The following IGDCC4 variants were observed in gnomAD, a reference collection of about 807,000 sequenced individuals.
IGDCC4 encodes the protein likely ortholog of mouse neighbor of Punc E11.
A neutral mutation model predicts 116.6 loss-of-function variants in IGDCC4; 72 were observed. The ratio of observed to expected loss-of-function variants is 0.62; its 90% CI spans 0.51 to 0.75. The LOEUF is 0.75. IGDCC4 is among the 30% of genes least tolerant of loss of function. The pLI, the probability that IGDCC4 is intolerant of heterozygous loss-of-function variation, is 0.00. For missense variants in IGDCC4, 1,501 were observed against 1,662.4 expected, an observed-to-expected ratio of 0.90 and a Z score of 1.69; for synonymous variants, 709 against 719.9, an observed-to-expected ratio of 0.98 and a Z score of 0.24.
At chr15:65,414,576 C>T (rs1446658257) in intron 1 of IGDCC4, among the ~76,000 whole-genome samples, 1 of 152,228 alleles carries the variant, frequency 6.6e-6, no homozygotes, top group Non-Finnish European at 1.5e-5. Context: ...AGGAATTAAA[C>T]AAGACAATGT....
At chr15:65,396,762 C>G in intron 6 of IGDCC4, 72 bp downstream of exon 6, 1 of 1,515,444 alleles carries the variant, frequency 6.6e-7, no homozygotes, top group Non-Finnish European at 8.8e-7. Flanking sequence ...CACACCCACC[C>G]GTCCACCTCC....
chr15:65,411,342 A>G lies in IGDCC4; in HGVS notation c.99T>C (p.Thr33=), dbSNP rs140484259. 9.4e-4 allele frequency: 1,493 copies of G among 1,587,056 alleles called. 1 individual carries two copies. The highest frequency in any genetic ancestry group is 1.2e-3 in the Non-Finnish European group (1,399 of 1,163,758). ...GCCCCACTCCACAGCTCAGCTCCACAGTCGTCTCCTGGGGCAACAGCAGCT... is the reference window on the plus strand; with the variant it reads ...GCCCCACTCCACAGCTCAGCTCCACGGTCGTCTCCTGGGGCAACAGCAGCT... ...RGELLLPQET[T]VELSCGVGPL... Residue 33 remains threonine (T), a synonymous_variant, in exon 2 of 20, where the codon ACT becomes ACC. Coordinates refer to ENST00000352385, the MANE Select transcript of IGDCC4 (RefSeq NM_020962.3).
chr15:65,388,554 C>T lies in IGDCC4; in HGVS notation c.2740G>A (p.Glu914Lys). ...TTGAAGAAGTACCGAGTGTCGCTCT[C>T]CAGGCCATGGACCTCAGCACTGAAG... ...NIFSAEVHGL[E>K]SDTRYFFKMG... is the part of the protein sequence containing the mutation. Residue 914 changes from glutamate to lysine, a missense_variant, in exon 16 of 20, where the codon GAG (glutamate) becomes AAG (lysine). Around this residue, in one of 3 missense-constraint regions of IGDCC4, gnomAD observed 235 missense variants for 328.0 expected, o/e 0.72. Transcript: ENST00000352385. The T allele has an allele frequency of 1.9e-6, 3 of 1,614,128 alleles. No homozygotes were observed. Among genetic ancestry groups the T allele is most frequent in the Non-Finnish European group, 2.5e-6 (3 of 1,180,028 alleles).
intron 16 of IGDCC4, 61 bp from the exon 17 acceptor site, chr15:65,386,717 T>C: frequency 7.7e-7 from 1 of 1,304,538 alleles, no homozygotes; most frequent in Non-Finnish European, 1.1e-6. Context: ...AGGGCATAGA[T>C]CAGGACTATC....
At chr15:65,416,744 T>C (rs2063148810) in intron 1 of IGDCC4, among the ~76,000 whole-genome samples, 1 of 152,024 alleles carries the variant, frequency 6.6e-6, no homozygotes. Flanking sequence ...TTCTCCTCAA[T>C]CTCCTCAGTG....
At chr15:65,405,661 C>T (rs936303228) in intron 3 of IGDCC4, among the ~76,000 whole-genome samples, 4 of 152,182 alleles carry the variant, frequency 2.6e-5, no homozygotes, top group Non-Finnish European at 5.9e-5. Flanking sequence ...AACCCATATA[C>T]GTATTTCAAA....
intron 1 of IGDCC4, among the ~76,000 whole-genome samples, chr15:65,420,008 G>T (rs1040297353): frequency 6.6e-6 from 1 of 152,054 alleles, no homozygotes; most frequent in Non-Finnish European, 1.5e-5. Context: ...GTGCAGTGGC[G>T]TGATCTCAGC....
intron 1 of IGDCC4, among the ~76,000 whole-genome samples, chr15:65,418,446 C>T (rs2063162769): frequency 6.6e-6 from 1 of 152,144 alleles, no homozygotes; most frequent in African/African-American, 2.4e-5. Flanking sequence ...TAGAACCATC[C>T]AGGAGTCTTG....
Position 65,394,991 on chromosome 15 carries a change from G to A in IGDCC4, c.1576+103C>T, listed in dbSNP as rs529962933. ...TCTTACGGGGCACAAAAGATGATAT[G>A]AGCAGGTAAAAATGCCTTTACATTA... is the stretch of plus-strand genomic sequence containing the variant. On this transcript the variant is annotated intron_variant, in intron 8 of 19. Transcript: ENST00000352385. The A allele has an allele frequency of 1.0e-5, 13 of 1,246,790 alleles. No individual in the cohort carries two copies. The African/African-American group carries it at 2.0e-4, about 19-fold the overall frequency. 77.2% of individuals were successfully genotyped at this position (1,246,790 alleles called of 1,614,324 possible). A position where few individuals can be genotyped will look rare whatever the true frequency, so the allele number is the denominator to read the frequency against.
At chr15:65,422,666 T>C in intron 1 of IGDCC4, 127 bp downstream of exon 1, 1 of 708,970 alleles carries the variant, frequency 1.4e-6, no homozygotes, top group Non-Finnish European at 1.9e-6. Context: ...CGCGGGCACC[T>C]GGACGCGCAG....
rs529540280 is a variant in IGDCC4, at chr15:65,398,469, G to A, written c.842-1480C>T. Among the ~76,000 whole-genome samples, 14 of 144,764 alleles carry A rather than the reference G, an allele frequency of 9.7e-5. No homozygotes were observed. The East Asian group carries it at 2.8e-3, about 29-fold the overall frequency. 95.0% of individuals were successfully genotyped at this position (144,764 alleles called of 152,430 possible). A position where few individuals can be genotyped will look rare whatever the true frequency, so the allele number is the denominator to read the frequency against. Reference sequence around the variant, plus strand: ...GAATCACTTGAACCCAGGAGGCGAAGGTTGCAGTAAGCCAAGATCACACCA... The same window carrying A: ...GAATCACTTGAACCCAGGAGGCGAAAGTTGCAGTAAGCCAAGATCACACCA... On this transcript the variant is annotated intron_variant, in intron 5 of 19. Transcript: ENST00000352385.
chr15:65,397,237 G>T (rs2062937202), intron 5 of IGDCC4, among the ~76,000 whole-genome samples: 2 of 152,144 alleles, frequency 1.3e-5, no homozygotes, highest in South Asian at 4.1e-4. Flanking sequence ...CACAGTGCAG[G>T]CATATATTAA....
intron 5 of IGDCC4, 68 bp from the exon 6 acceptor site, chr15:65,397,057 C>T (rs1267763099): frequency 1.3e-6 from 2 of 1,518,350 alleles, no homozygotes; most frequent in Admixed American, 2.0e-5. Context: ...GTCTCCGAAC[C>T]TCAGGAACAC....
chr15:65,409,769 G>A (rs149909567), intron 3 of IGDCC4, among the ~76,000 whole-genome samples: 1 of 152,354 alleles, frequency 6.6e-6, no homozygotes, highest in East Asian at 1.9e-4. Context: ...TGGAAACTCC[G>A]GAGGAACCCT....
At position 65,411,170 on chromosome 15, in the gene IGDCC4, C is replaced by G; in HGVS notation, c.271G>C (p.Gly91Arg). Reference protein sequence around the residue: ...EHDHLHLLPNGSLWLSQPLAP... With the variant: ...EHDHLHLLPNRSLWLSQPLAP... ...AGTGGCTGGGACAGCCACAGGGAAC[C>G]ATTGGGCAGCAGGTGTAAGTGGTCG... Residue 91 changes from glycine (G) to arginine (R), a missense_variant, in exon 2 of 20, where the codon GGT becomes CGT. Gly to Arg is a moderately radical substitution (Grantham distance 125). This residue lies in a region of IGDCC4 where 898 missense variants were observed against 978.9 expected (regional missense o/e 0.92). Coordinates refer to ENST00000352385, the MANE Select transcript of IGDCC4 (RefSeq NM_020962.3). 6.2e-7 allele frequency: 1 copy of G among 1,614,224 alleles called. No individual in the cohort carries two copies. Among genetic ancestry groups the G allele is most frequent in the Non-Finnish European group, 8.5e-7 (1 of 1,180,038 alleles).
At chr15:65,398,426 C>A (rs996715749) in intron 5 of IGDCC4, among the ~76,000 whole-genome samples, 1 of 149,120 alleles carries the variant, frequency 6.7e-6, no homozygotes, top group Middle Eastern at 3.5e-3. Context: ...CCCAGCTACT[C>A]GGGAAGCTGA....
At chr15:65,404,277 G>A (rs1345401864) in intron 3 of IGDCC4, among the ~76,000 whole-genome samples, 4 of 152,170 alleles carry the variant, frequency 2.6e-5, no homozygotes, top group African/African-American at 9.7e-5. Flanking sequence ...TCTGCCCCCA[G>A]CCTCTCACCC....
Position 65,393,528 on chromosome 15 carries a change from T to C in IGDCC4, c.1718A>G (p.Gln573Arg). 1 of 1,594,912 alleles carries C rather than the reference T, an allele frequency of 6.3e-7. No homozygotes were observed. The change falls in exon 10 of 20, where the codon CAG (glutamine) becomes CGG (arginine). Residue 573 changes from glutamine to arginine, a missense_variant. By Grantham distance (43) the Gln-to-Arg change is conservative. Transcript: ENST00000352385. This position sits in a 1 kb window ranked among gnomAD's most constrained non-coding sequence, Gnocchi z 4.6. ...TCCTCGCACCTCAGTAGAGAAAATC[T>C]GATCTGCAGGGACAGAAAAGGTGGG... is the stretch of plus-strand genomic sequence containing the variant. ...KIEYGLGKED[Q>R]IFSTEVRGNE...
At chr15:65,422,003 C>T (rs2063196353) in intron 1 of IGDCC4, among the ~76,000 whole-genome samples, 3 of 152,160 alleles carry the variant, frequency 2.0e-5, no homozygotes, top group African/African-American at 7.2e-5. Flanking sequence ...ACCTCGTCCA[C>T]GCTTCCCTGG....
Sources: allele counts gnomAD v4.1 joint callset (sites outside exome capture counted in the v4.1 genomes callset), GRCh38; gene constraint gnomAD v4.1.1; regional missense constraint gnomAD v4.1.1; non-coding constraint Gnocchi (gnomAD v3.1); transcripts MANE v1.5; gene names NCBI Gene and HGNC (gene_info 2026-07-23, HGNC 2026-07-21).